The following EPHB2 variants were observed in gnomAD, a reference collection of about 807,000 sequenced individuals.
The protein encoded by EPHB2 is EPH receptor B2.
EPHB2 carries 18 observed loss-of-function variants against 96.4 expected under a neutral mutation model. That is an observed-to-expected ratio of 0.19 (90% CI 0.13 to 0.28). The LOEUF is 0.28. Among genes scored for constraint, EPHB2 ranks in the 10% least tolerant of loss-of-function variants. The pLI, the probability that EPHB2 is intolerant of heterozygous loss-of-function variation, is 1.00. For missense variants in EPHB2, 989 were observed against 1,355.4 expected (o/e 0.73, Z 4.25); for synonymous variants, 506 against 534.1 (o/e 0.95, Z 0.72).
chr1:22,788,466 T>G lies in EPHB2; in HGVS notation c.811+3390T>G, dbSNP rs531041445. Reference sequence around the variant, plus strand: ...GGCCTGTGCTGCTGTCACCCAGATGTGAGGCTGCTGCAGCCCAAGCCCCAT... The same window carrying G: ...GGCCTGTGCTGCTGTCACCCAGATGGGAGGCTGCTGCAGCCCAAGCCCCAT... On this transcript the variant is annotated intron_variant, in intron 3 of 15. Coordinates refer to ENST00000374630, the MANE Select transcript of EPHB2 (RefSeq NM_017449.5). 5.3e-5 allele frequency among the ~76,000 whole-genome samples: 8 copies of G among 152,334 alleles called. No individual in the cohort carries two copies. In the South Asian group the frequency reaches 1.7e-3, roughly 32 times the overall value.
At chr1:22,867,593 C>T (rs560017803) in intron 5 of EPHB2, among the ~76,000 whole-genome samples, 73 of 152,134 alleles carry the variant, frequency 4.8e-4, no homozygotes, top group Non-Finnish European at 8.4e-4. Flanking sequence ...AAAAACCAGC[C>T]GGTCACAGTG....
intron 3 of EPHB2, among the ~76,000 whole-genome samples, chr1:22,861,050 T>TA (rs1277784039): frequency 3.3e-5 from 5 of 152,220 alleles, no homozygotes; most frequent in Non-Finnish European, 5.9e-5. Flanking sequence ...ATAACTTGTC[T>TA]AAGGTCTCTC....
rs964925940 is a variant in EPHB2 at position 22,860,797 on chromosome 1, C to T, written c.812-2240C>T. Among the ~76,000 whole-genome samples, 5 of 152,084 alleles carry T rather than the reference C, an allele frequency of 3.3e-5. No individual in the cohort carries two copies. The highest frequency in any genetic ancestry group is 7.4e-5 in the Non-Finnish European group (5 of 68,016). On this transcript the variant is annotated intron_variant, in intron 3 of 15. Coordinates refer to ENST00000374630, the MANE Select transcript of EPHB2 (RefSeq NM_017449.5). The surrounding 1 kb of genome is among the most constrained non-coding windows in gnomAD (Gnocchi z 4.6). ...GAGGAGGAAACCCGTTCAGAGAGGC[C>T]GACTGCTCGACCAGAGCTGGGGCTG...
In EPHB2 at chr1:22,846,242, A is replaced by G. The variant is rs539606352; in HGVS notation, c.812-16795A>G. Among the ~76,000 whole-genome samples the G allele has an allele frequency of 6.6e-6, 1 of 152,182 alleles. No homozygotes were observed. Among genetic ancestry groups the G allele is most frequent in the East Asian group, 1.9e-4 (1 of 5,170 alleles). On this transcript the variant is annotated intron_variant, in intron 3 of 15. Transcript: ENST00000374630. This position sits in a 1 kb window ranked among gnomAD's most constrained non-coding sequence, Gnocchi z 4.3. ...AGACCAGCCTGGCCAACATGGTGAAACGCCATCTCGACTAAAAATATAAAA... is the reference window on the plus strand; with the variant it reads ...AGACCAGCCTGGCCAACATGGTGAAGCGCCATCTCGACTAAAAATATAAAA...
intron 3 of EPHB2, among the ~76,000 whole-genome samples, chr1:22,832,251 A>G (rs1039456567): frequency 1.3e-5 from 2 of 152,082 alleles, no homozygotes; most frequent in African/African-American, 4.8e-5. Flanking sequence ...GAGTCATGTC[A>G]CTTCTCTGAG....
chr1:22,812,137 T>C lies in EPHB2; in HGVS notation c.811+27061T>C, dbSNP rs1007076638. ...GAGCCCCCAGATATTTGTTGTGAAA[T>C]GGAGGCGCCACATCTACCTCTCCAG... On this transcript the variant is annotated intron_variant, in intron 3 of 15. Coordinates refer to ENST00000374630, the MANE Select transcript of EPHB2 (RefSeq NM_017449.5). 1.4e-3 allele frequency among the ~76,000 whole-genome samples: 216 copies of C among 152,294 alleles called. 2 individuals are homozygous for C. The highest frequency in any genetic ancestry group is 3.2e-4 in the Non-Finnish European group (22 of 68,016).
chr1:22,905,194 A>T (rs1639870739), intron 9 of EPHB2, among the ~76,000 whole-genome samples: 1 of 152,220 alleles, frequency 6.6e-6, no homozygotes, highest in Non-Finnish European at 1.5e-5. Flanking sequence ...CTCTTAGTGC[A>T]TAAAAAAATA....
intron 1 of EPHB2, among the ~76,000 whole-genome samples, chr1:22,721,521 C>G (rs1391577310): frequency 1.3e-5 from 2 of 152,142 alleles, no homozygotes; most frequent in Non-Finnish European, 2.9e-5. Flanking sequence ...CATGTCCAGT[C>G]TAAAAAAGGC....
At position 22,798,460 on chromosome 1, in the gene EPHB2, ATT is replaced by A. The variant is rs796455015; in HGVS notation, c.811+13396_811+13397del. Among the ~76,000 whole-genome samples, 486 of 143,136 alleles carry A rather than the reference ATT, an allele frequency of 3.4e-3. 3 individuals are homozygous for A. Among genetic ancestry groups the A allele is most frequent in the African/African-American group, 0.011 (452 of 39,336 alleles). 93.9% of individuals were successfully genotyped at this position (143,136 alleles called of 152,430 possible). A position where few individuals can be genotyped will look rare whatever the true frequency, so the allele number is the denominator to read the frequency against. On this transcript the variant is annotated intron_variant, in intron 3 of 15. Transcript: ENST00000374630. Reference sequence around the variant, plus strand: ...TAGAGAGCATTTTTCAGTCTTACCCATTTTTTTTTTTTTAACATAAACCACTA... The same window carrying A: ...TAGAGAGCATTTTTCAGTCTTACCCATTTTTTTTTTTAACATAAACCACTA...
At chr1:22,817,108 C>T (rs1332355590) in intron 3 of EPHB2, among the ~76,000 whole-genome samples, 1 of 152,290 alleles carries the variant, frequency 6.6e-6, no homozygotes, top group East Asian at 1.9e-4. Context: ...CACAGCCAGC[C>T]CCCAAGGGTG....
intron 1 of EPHB2, among the ~76,000 whole-genome samples, chr1:22,730,341 G>A (rs1246943001): frequency 6.6e-6 from 1 of 152,240 alleles, no homozygotes; most frequent in African/African-American, 2.4e-5. Flanking sequence ...GGGCACTTGG[G>A]TGGGAGGTGT....
chr1:22,725,345 G>A (rs1643558460), intron 1 of EPHB2, among the ~76,000 whole-genome samples: 1 of 152,104 alleles, frequency 6.6e-6, no homozygotes, highest in Admixed American at 6.5e-5. Context: ...TTGGCTGGCT[G>A]GCTGGATAGA....
chr1:22,753,936 T>G (rs754792240), intron 1 of EPHB2, among the ~76,000 whole-genome samples: 1 of 152,158 alleles, frequency 6.6e-6, no homozygotes, highest in Non-Finnish European at 1.5e-5. Flanking sequence ...ATTGCAGGGA[T>G]GAGTCTTCGT....
At chr1:22,741,176 C>T (rs1015606143) in intron 1 of EPHB2, among the ~76,000 whole-genome samples, 7 of 152,170 alleles carry the variant, frequency 4.6e-5, no homozygotes, top group Non-Finnish European at 8.8e-5. Flanking sequence ...TCTCTCCCCC[C>T]GACCCCTATC....
intron 3 of EPHB2, among the ~76,000 whole-genome samples, chr1:22,816,532 G>A (rs939962796): frequency 1.3e-5 from 2 of 152,070 alleles, no homozygotes; most frequent in African/African-American, 2.4e-5. Flanking sequence ...CTTGGCTCAC[G>A]CTGTTCCCTC....
intron 3 of EPHB2, among the ~76,000 whole-genome samples, chr1:22,815,210 C>G (rs1645056056): frequency 6.6e-6 from 1 of 152,154 alleles, no homozygotes; most frequent in South Asian, 2.1e-4. Flanking sequence ...AAATGTGAGC[C>G]TTCCCTTAGC....
chr1:22,853,151 C>T (rs1373567830), intron 3 of EPHB2, among the ~76,000 whole-genome samples: 2 of 152,202 alleles, frequency 1.3e-5, no homozygotes, highest in East Asian at 1.9e-4. Flanking sequence ...GAGATCGAAA[C>T]CATCCTGGCT....
At chr1:22,805,208 G>A (rs541227890) in intron 3 of EPHB2, among the ~76,000 whole-genome samples, 2 of 152,146 alleles carry the variant, frequency 1.3e-5, no homozygotes, top group South Asian at 4.2e-4. Flanking sequence ...CAGGGGGCCT[G>A]GCCTGTTGAT....
At chr1:22,757,756 T>G (rs569482263) in intron 1 of EPHB2, among the ~76,000 whole-genome samples, 1 of 152,132 alleles carries the variant, frequency 6.6e-6, no homozygotes, top group Admixed American at 6.5e-5. Context: ...CCCAGCTACT[T>G]GGGAGCTGAA....
Sources: gnomAD v4.1 joint callset for allele counts (sites outside exome capture counted in the v4.1 genomes callset) on GRCh38, gnomAD v4.1.1 for gene constraint, Gnocchi (gnomAD v3.1) non-coding constraint, MANE v1.5 for transcripts, NCBI Gene and HGNC (gene_info 2026-07-23, HGNC 2026-07-21) for gene names.